Variants in GRXCR1 observed in about 807,000 individuals in gnomAD.
The protein encoded by GRXCR1 is glutaredoxin and cysteine rich domain containing 1.
A neutral mutation model predicts 27.3 loss-of-function variants in GRXCR1; 27 were observed. The ratio of observed to expected loss-of-function variants is 0.99; its 90% CI spans 0.73 to 1.37. GRXCR1 has a LOEUF of 1.37. Ranked by LOEUF, GRXCR1 falls within the 40% of genes most tolerant of loss-of-function variation. The probability of loss-of-function intolerance (pLI) is 0.00; values close to 1 mark genes in which losing one functional copy is unlikely to be tolerated. For synonymous variants in GRXCR1, 122 were observed against 131.1 expected, an observed-to-expected ratio of 0.93 and a Z score of 0.47; for missense variants, 379 against 354.4, an observed-to-expected ratio of 1.07 and a Z score of -0.56.
chr4:42,975,666 T>C (rs1230438309), intron 2 of GRXCR1, among the ~76,000 whole-genome samples: 1 of 152,116 alleles, frequency 6.6e-6, no homozygotes, highest in Non-Finnish European at 1.5e-5. Flanking sequence ...ATCTTGTTCT[T>C]TCAGTAATCC....
rs115175256 is a variant in GRXCR1 at position 43,019,574 on chromosome 4, A to T, written c.628-780A>T. Among the ~76,000 whole-genome samples the T allele has an allele frequency of 5.1e-3, 779 of 152,186 alleles. 13 individuals are homozygous for T. Among genetic ancestry groups the T allele is most frequent in the African/African-American group, 0.015 (638 of 41,542 alleles). The stretch of plus-strand genomic sequence containing the variant: ...TCCAGTTTTTCCTTCTTCCTTCTCT[A>T]TGGTTTTATGTTGGGAAGTAGAGTG... On this transcript the variant is annotated intron_variant, in intron 2 of 3. Transcript: ENST00000399770.
chr4:42,975,012 G>T (rs73177743), intron 2 of GRXCR1, among the ~76,000 whole-genome samples: 43 of 152,212 alleles, frequency 2.8e-4, no homozygotes, highest in African/African-American at 1.0e-3. Context: ...GACTTCAAAA[G>T]GGTGGTATGA....
intron 2 of GRXCR1, among the ~76,000 whole-genome samples, chr4:42,968,736 A>C (rs1024370048): frequency 6.6e-6 from 1 of 152,078 alleles, no homozygotes; most frequent in Non-Finnish European, 1.5e-5. Flanking sequence ...GCAAAAAAGT[A>C]CCTCCTTCTT....
intron 1 of GRXCR1, among the ~76,000 whole-genome samples, chr4:42,923,602 A>T (rs930979440): frequency 3.6e-4 from 55 of 152,204 alleles, no homozygotes; most frequent in African/African-American, 1.3e-3. Context: ...GTCCTGGGCC[A>T]CATCCAAGTT....
intron 1 of GRXCR1, among the ~76,000 whole-genome samples, chr4:42,930,782 G>A (rs972332817): frequency 6.6e-6 from 1 of 151,902 alleles, no homozygotes; most frequent in Non-Finnish European, 1.5e-5. Flanking sequence ...CATGTGTAAG[G>A]TCCTAGCATA....
chr4:42,960,894 T>C (rs1016318530), intron 1 of GRXCR1, among the ~76,000 whole-genome samples: 3 of 151,808 alleles, frequency 2.0e-5, no homozygotes, highest in Non-Finnish European at 4.4e-5. Context: ...TGCAAGTTTG[T>C]TATGTAGGTA....
At position 42,893,148 on chromosome 4, in the gene GRXCR1, G is replaced by A; in HGVS notation, c.-119G>A. 9.3e-7 allele frequency: 1 copy of A among 1,076,016 alleles called. No individual in the cohort carries two copies. The highest frequency in any genetic ancestry group is 1.4e-6 in the Non-Finnish European group (1 of 695,282). The allele number at this position is 1,076,016 out of a possible 1,614,324, so 66.7% of individuals were successfully genotyped here. On this transcript the variant is annotated 5_prime_UTR_variant, in exon 1 of 4. Transcript: ENST00000399770. ...GGAATCTTCTTTCCTTTTGATGTTAGTTTCACAGGAGTGCTGCCATCACTA... is the reference window on the plus strand; with the variant it reads ...GGAATCTTCTTTCCTTTTGATGTTAATTTCACAGGAGTGCTGCCATCACTA...
intron 2 of GRXCR1, among the ~76,000 whole-genome samples, chr4:42,975,137 C>T (rs1280986643): frequency 6.6e-6 from 1 of 152,124 alleles, no homozygotes; most frequent in Non-Finnish European, 1.5e-5. Flanking sequence ...TGGAGGTGCA[C>T]AGGCATTCAT....
intron 1 of GRXCR1, among the ~76,000 whole-genome samples, chr4:42,938,605 C>T (rs537679491): frequency 3.2e-4 from 48 of 151,914 alleles, no homozygotes; most frequent in African/African-American, 9.9e-4. Flanking sequence ...GGAGATTTTC[C>T]CCATATATTC....
chr4:42,902,929 C>T (rs999734805), intron 1 of GRXCR1, among the ~76,000 whole-genome samples: 3 of 152,164 alleles, frequency 2.0e-5, no homozygotes, highest in East Asian at 1.9e-4. Flanking sequence ...CATTTGTCCC[C>T]AAGGGGTCAT....
chr4:42,902,692 T>A (rs1445181635), intron 1 of GRXCR1, among the ~76,000 whole-genome samples: 2 of 151,230 alleles, frequency 1.3e-5, no homozygotes, highest in Non-Finnish European at 2.9e-5. Context: ...AGGGGTGGAG[T>A]GGTGGGAGGG....
chr4:42,940,530 A>G (rs1422080428), intron 1 of GRXCR1, among the ~76,000 whole-genome samples: 1 of 152,108 alleles, frequency 6.6e-6, no homozygotes, highest in African/African-American at 2.4e-5. Flanking sequence ...TTAAGTTTCA[A>G]TGACTGTGAT....
At position 42,897,272 on chromosome 4, in the gene GRXCR1, T is replaced by C. The variant is rs560146269; in HGVS notation, c.384+3622T>C. ...ATTAAGGCTGCTTATTTTTGATAATTTATTCTTATGAGATTACATTTCAGA... is the reference window on the plus strand; with the variant it reads ...ATTAAGGCTGCTTATTTTTGATAATCTATTCTTATGAGATTACATTTCAGA... On this transcript the variant is annotated intron_variant, in intron 1 of 3. Coordinates refer to ENST00000399770, the MANE Select transcript of GRXCR1 (RefSeq NM_001080476.3). Among the ~76,000 whole-genome samples the C allele has an allele frequency of 3.3e-5, 5 of 152,124 alleles. No individual in the cohort carries two copies. In the East Asian group the frequency reaches 9.7e-4, roughly 29 times the overall value.
intron 2 of GRXCR1, among the ~76,000 whole-genome samples, chr4:42,995,417 TA>T (rs1171467640): frequency 2.0e-5 from 3 of 152,232 alleles, no homozygotes; most frequent in Admixed American, 6.5e-5. Flanking sequence ...ATCCATTTAA[TA>T]TTTTTTTTGG....
intron 1 of GRXCR1, among the ~76,000 whole-genome samples, chr4:42,927,100 G>A (rs1747172951): frequency 6.6e-6 from 1 of 151,856 alleles, no homozygotes; most frequent in African/African-American, 2.4e-5. Flanking sequence ...GGATCAAATG[G>A]GACCTCTTAA....
chr4:42,947,061 A>G (rs1031737528), intron 1 of GRXCR1, among the ~76,000 whole-genome samples: 1 of 152,054 alleles, frequency 6.6e-6, no homozygotes, highest in African/African-American at 2.4e-5. Context: ...CATGAATTCA[A>G]GGTGTAGGAA....
chr4:42,962,058 C>T (rs1748140248), intron 1 of GRXCR1, among the ~76,000 whole-genome samples: 1 of 151,936 alleles, frequency 6.6e-6, no homozygotes, highest in Non-Finnish European at 1.5e-5. Context: ...GATTTCAGTA[C>T]CTACCTGGTA....
intron 1 of GRXCR1, among the ~76,000 whole-genome samples, chr4:42,897,003 A>G (rs1746360153): frequency 1.3e-5 from 2 of 152,094 alleles, no homozygotes; most frequent in Non-Finnish European, 2.9e-5. Flanking sequence ...CTCTTTAAGA[A>G]ATTCTGCTCT....
chr4:42,914,691 T>A (rs1382121749), intron 1 of GRXCR1, among the ~76,000 whole-genome samples: 1 of 152,182 alleles, frequency 6.6e-6, no homozygotes, highest in African/African-American at 2.4e-5. Context: ...AGGGTTGTAA[T>A]GATATGGCTT....
Sources: allele counts gnomAD v4.1 joint callset (sites outside exome capture counted in the v4.1 genomes callset), GRCh38; gene constraint gnomAD v4.1.1; transcripts MANE v1.5; gene names NCBI Gene and HGNC (gene_info 2026-07-23, HGNC 2026-07-21).